The following PNPLA6 variants were observed in gnomAD, a reference collection of about 807,000 sequenced individuals.
PNPLA6 encodes patatin like domain 6, lysophospholipase, also known as patatin-like phospholipase domain-containing protein 6.
A neutral mutation model predicts 153.7 loss-of-function variants in PNPLA6; 105 were observed. That is an observed-to-expected ratio of 0.68 (90% CI 0.58 to 0.80). The LOEUF is 0.80. Ranked by LOEUF, PNPLA6 falls within the 30% of genes least tolerant of loss-of-function variation. The pLI is 0.00. For synonymous variants in PNPLA6, 825 were observed against 822.2 expected, an observed-to-expected ratio of 1.00 and a Z score of -0.06; for missense variants, 1,423 against 1,919.3, an observed-to-expected ratio of 0.74 and a Z score of 4.83.
In PNPLA6 at chr19:7,547,682, G is replaced by C. The variant is rs187436547; in HGVS notation, c.1609-2225G>C. 6.4e-4 allele frequency among the ~76,000 whole-genome samples: 98 copies of C among 152,158 alleles called. 1 individual carries two copies. In the East Asian group the frequency reaches 0.018, roughly 28 times the overall value. ...AGACGGGGTCTTGCACTGTAGCCTA[G>C]GCTGGAGTGTAGTGACGCTATCATA... On this transcript the variant is annotated intron_variant, in intron 13 of 31. Transcript: ENST00000600737.
chr19:7,550,664 A>C (rs2023602801), intron 16 of PNPLA6, 24 bp downstream of exon 16: 1 of 1,608,342 alleles, frequency 6.2e-7, no homozygotes, highest in Non-Finnish European at 8.5e-7. Flanking sequence ...CCACCCACTG[A>C]CCTCTGGCCT....
At chr19:7,560,077 G>T (rs2024037499) in intron 28 of PNPLA6, among the ~76,000 whole-genome samples, 1 of 151,856 alleles carries the variant, frequency 6.6e-6, no homozygotes, top group African/African-American at 2.4e-5. Flanking sequence ...GGAGGCAGTG[G>T]TTGCAGTGAG....
chr19:7,554,393 A>G (rs2023780223), intron 20 of PNPLA6, 121 bp downstream of exon 20: 2 of 1,229,870 alleles, frequency 1.6e-6, no homozygotes, highest in East Asian at 2.3e-5. Context: ...CCATAGGTCA[A>G]TGGGGAGATT....
intron 18 of PNPLA6, among the ~76,000 whole-genome samples, chr19:7,553,252 T>G (rs1320231139): frequency 6.6e-6 from 1 of 152,042 alleles, no homozygotes; most frequent in Non-Finnish European, 1.5e-5. Context: ...TCTTTGTCTT[T>G]TCTTTTATTT....
intron 24 of PNPLA6, 42 bp from the exon 25 acceptor site, chr19:7,556,411 C>A: frequency 8.4e-7 from 1 of 1,189,890 alleles, no homozygotes; most frequent in Non-Finnish European, 1.3e-6. Context: ...TCTGTGACCC[C>A]ATGTAACTCC....
chr19:7,557,138 G>A lies in PNPLA6; in HGVS notation c.3281-30G>A, dbSNP rs576564823. 2.6e-5 allele frequency: 39 copies of A among 1,509,252 alleles called. No individual in the cohort carries two copies. In the South Asian group the frequency reaches 2.8e-4, roughly 11 times the overall value. 93.5% of individuals were successfully genotyped at this position (1,509,252 alleles called of 1,614,324 possible). A position where few individuals can be genotyped will look rare whatever the true frequency, so the allele number is the denominator to read the frequency against. ...CCGGCGTGTCTGAGCGTGTCTGTGC[G>A]TGTTTGTGTCTGTGTGTCCCACCGC... On this transcript the variant is annotated intron_variant, in intron 26 of 31. Coordinates refer to ENST00000600737, the MANE Select transcript of PNPLA6 (RefSeq NM_001166114.2).
upstream of PNPLA6, chr19:7,535,473 A>T: frequency 6.9e-7 from 1 of 1,453,356 alleles, no homozygotes; most frequent in Non-Finnish European, 9.5e-7. The surrounding 1 kb of genome is among the most constrained non-coding windows in gnomAD (Gnocchi z 5.0). Context: ...CAGATTGACG[A>T]CTTGCACGGG....
In PNPLA6 at chr19:7,551,336, G is replaced by A; in HGVS notation, c.2185-26G>A. 4.3e-6 allele frequency: 7 copies of A among 1,611,348 alleles called. 1 individual carries two copies. Among genetic ancestry groups the A allele is most frequent in the Non-Finnish European group, 5.9e-6 (7 of 1,177,748 alleles). ...GGACAGCCGCTTCCCAGGTCTCACTGAAATGCCGGCCTCCAACGCCCCCAG... is the reference window on the plus strand; with the variant it reads ...GGACAGCCGCTTCCCAGGTCTCACTAAAATGCCGGCCTCCAACGCCCCCAG... On this transcript the variant is annotated intron_variant, in intron 17 of 31. Transcript: ENST00000600737.
At chr19:7,560,515 T>A in intron 28 of PNPLA6, 133 bp from the exon 29 acceptor site, 1 of 728,152 alleles carries the variant, frequency 1.4e-6, no homozygotes, top group East Asian at 2.6e-5. Context: ...TGCAGCTGAC[T>A]CTGAAATAGG....
chr19:7,551,759 G>A (rs774807030), intron 18 of PNPLA6, among the ~76,000 whole-genome samples: 28 of 152,222 alleles, frequency 1.8e-4, no homozygotes, highest in Admixed American at 3.3e-4. Flanking sequence ...GGGCTTGCTG[G>A]GGAAGTCCAC....
upstream of PNPLA6, chr19:7,535,024 C>T (rs2022776832): frequency 5.9e-6 from 1 of 169,824 alleles, no homozygotes; most frequent in Admixed American, 5.5e-5. The surrounding 1 kb of genome is among the most constrained non-coding windows in gnomAD (Gnocchi z 5.0). Flanking sequence ...TCCCGGACCC[C>T]ACGGTTTGCG....
chr19:7,558,821 G>A, intron 27 of PNPLA6, 29 bp from the exon 28 acceptor site: 1 of 1,583,894 alleles, frequency 6.3e-7, no homozygotes, highest in Non-Finnish European at 8.6e-7. Flanking sequence ...CCCGAGGGGA[G>A]CAGCCCGCTG....
chr19:7,550,499 A>G lies in PNPLA6; in HGVS notation c.1947-18A>G. 2 of 1,612,632 alleles carry G rather than the reference A, an allele frequency of 1.2e-6. No individual in the cohort carries two copies. Among genetic ancestry groups the G allele is most frequent in the Non-Finnish European group, 1.7e-6 (2 of 1,179,854 alleles). On this transcript the variant is annotated intron_variant, in intron 15 of 31. Transcript: ENST00000600737. ...ACCTGGGGGTGGTCAGACCTTGCTG[A>G]CCTCCACGCCCACTCAGGCAGGGCG...
upstream of PNPLA6, chr19:7,535,521 C>G (rs1482308311): frequency 6.3e-7 from 1 of 1,590,556 alleles, no homozygotes; most frequent in East Asian, 2.3e-5. The surrounding 1 kb of genome is among the most constrained non-coding windows in gnomAD (Gnocchi z 5.0). Context: ...CTCCGGGCTA[C>G]CAGATCGGCC....
At chr19:7,551,258 A>C in intron 17 of PNPLA6, 104 bp from the exon 18 acceptor site, 1 of 1,233,612 alleles carries the variant, frequency 8.1e-7, no homozygotes. Flanking sequence ...CGGGGGTGGG[A>C]CCCAGGTAAC....
At position 7,555,155 on chromosome 19, in the gene PNPLA6, G is replaced by A; in HGVS notation, c.2817+80G>A. 6.6e-7 allele frequency: 1 copy of A among 1,524,330 alleles called. No individual in the cohort carries two copies. Among genetic ancestry groups the A allele is most frequent in the Non-Finnish European group, 8.9e-7 (1 of 1,126,484 alleles). The allele number at this position is 1,524,330 out of a possible 1,614,324, so 94.4% of individuals were successfully genotyped here. On this transcript the variant is annotated intron_variant, in intron 22 of 31. Transcript: ENST00000600737. The surrounding 1 kb of genome is among the most constrained non-coding windows in gnomAD (Gnocchi z 6.3). ...GGGAGACTGGGGCGGGGCCTGGGAG[G>A]GCTGAGGACAGGCTCGAAGGTCAGG...
intron 3 of PNPLA6, among the ~76,000 whole-genome samples, chr19:7,537,934 C>T (rs982932930): frequency 2.6e-5 from 4 of 152,004 alleles, no homozygotes; most frequent in African/African-American, 9.7e-5. Context: ...GCGACTGAGC[C>T]CGGCCAATGG....
At chr19:7,535,341 C>T (rs140899611), upstream of PNPLA6, 89 of 649,424 alleles carry the variant, frequency 1.4e-4, no homozygotes, top group East Asian at 1.2e-3. The surrounding 1 kb of genome is among the most constrained non-coding windows in gnomAD (Gnocchi z 5.0). Context: ...CGGTTTGCTC[C>T]ATCCCTTAGT....
At chr19:7,557,369 C>A in intron 27 of PNPLA6, 85 bp downstream of exon 27, 3 of 875,204 alleles carry the variant, frequency 3.4e-6, no homozygotes, top group Non-Finnish European at 3.8e-6. Flanking sequence ...CAGACAGGCT[C>A]GATGACGGGA....
Sources: allele counts gnomAD v4.1 joint callset (sites outside exome capture counted in the v4.1 genomes callset), GRCh38; gene constraint gnomAD v4.1.1; non-coding constraint Gnocchi (gnomAD v3.1); transcripts MANE v1.5; gene names NCBI Gene and HGNC (gene_info 2026-07-23, HGNC 2026-07-21).